VPS50: variants seen among roughly 807,000 people sequenced by gnomAD.
VPS50 encodes the protein syndetin.
A neutral mutation model predicts 139.7 loss-of-function variants in VPS50; 70 were observed. That is an observed-to-expected ratio of 0.50 (90% CI 0.41 to 0.61). The LOEUF is 0.61. Ranked by LOEUF, VPS50 falls within the 20% of genes least tolerant of loss-of-function variation. The pLI is 0.00. For missense variants in VPS50, 921 were observed against 1,133.7 expected (o/e 0.81, Z 2.69); for synonymous variants, 365 against 376.7 (o/e 0.97, Z 0.36).
chr7:93,275,476 C>G (rs1204395323), intron 11 of VPS50, among the ~76,000 whole-genome samples: 2 of 152,028 alleles, frequency 1.3e-5, no homozygotes, highest in African/African-American at 4.8e-5. Context: ...GACCCTCGAC[C>G]AGAAAAAAGA....
At chr7:93,353,834 A>G (rs1292738738) in intron 26 of VPS50, 73 bp downstream of exon 26, 4 of 1,166,404 alleles carry the variant, frequency 3.4e-6, no homozygotes, top group East Asian at 2.4e-5. Flanking sequence ...TACGGTATTA[A>G]TGGTTGGAGA....
At chr7:93,304,026 G>C (rs914530767) in intron 17 of VPS50, among the ~76,000 whole-genome samples, 5 of 151,908 alleles carry the variant, frequency 3.3e-5, no homozygotes, top group Middle Eastern at 3.4e-3. Context: ...AGAAATAAAA[G>C]AGGCACTTAT....
chr7:93,253,963 CA>C (rs1795413750), intron 4 of VPS50, 32 bp downstream of exon 4: 2 of 1,271,854 alleles, frequency 1.6e-6, no homozygotes, highest in Non-Finnish European at 2.3e-6. Flanking sequence ...TTCTTTCTGG[CA>C]AAACTCTAGA....
Position 93,291,688 on chromosome 7 carries a change from T to C in VPS50, c.943-15T>C. ...ACATAATAATTTGAAAGTTGTCTCT[T>C]ATCATTTTCTTTAGCATGTTACACC... On this transcript the variant is annotated splice_polypyrimidine_tract_variant and intron_variant, in intron 12 of 27. Coordinates refer to ENST00000305866, the MANE Select transcript of VPS50 (RefSeq NM_017667.4). 7.0e-7 allele frequency: 1 copy of C among 1,436,630 alleles called. No individual in the cohort carries two copies. Among genetic ancestry groups the C allele is most frequent in the Non-Finnish European group, 9.3e-7 (1 of 1,069,658 alleles). The allele number at this position is 1,436,630 out of a possible 1,614,324, so 89.0% of individuals were successfully genotyped here.
At position 93,260,110 on chromosome 7, in the gene VPS50, T is replaced by C. The variant is rs138471303; in HGVS notation, c.659+478T>C. On this transcript the variant is annotated intron_variant, in intron 9 of 27. Coordinates refer to ENST00000305866, the MANE Select transcript of VPS50 (RefSeq NM_017667.4). ...ATTTATATAATAATAATGTTTGTAATAGTTAAGTGATTATGTATTCAATGT... is the reference window on the plus strand; with the variant it reads ...ATTTATATAATAATAATGTTTGTAACAGTTAAGTGATTATGTATTCAATGT... 5.9e-5 allele frequency among the ~76,000 whole-genome samples: 9 copies of C among 152,344 alleles called. No individual in the cohort carries two copies. In the East Asian group the frequency reaches 1.7e-3, roughly 29 times the overall value.
At chr7:93,329,408 G>T (rs1797871596) in intron 21 of VPS50, among the ~76,000 whole-genome samples, 1 of 151,814 alleles carries the variant, frequency 6.6e-6, no homozygotes, top group Admixed American at 6.6e-5. Context: ...ACAAAGTGAA[G>T]AGCGTAAAAA....
intron 12 of VPS50, among the ~76,000 whole-genome samples, chr7:93,277,282 TA>T (rs1796186173): frequency 6.6e-6 from 1 of 152,148 alleles, no homozygotes; most frequent in Admixed American, 6.5e-5. Flanking sequence ...CTGAATATGG[TA>T]ATATTAAAGG....
At chr7:93,298,314 CCTTT>C (rs1211302528) in intron 16 of VPS50, among the ~76,000 whole-genome samples, 1 of 152,170 alleles carries the variant, frequency 6.6e-6, no homozygotes. Flanking sequence ...CCTAACACTG[CCTTT>C]ATTTATAAGT....
chr7:93,237,435 T>G (rs1300454337), intron 1 of VPS50, among the ~76,000 whole-genome samples: 3 of 152,180 alleles, frequency 2.0e-5, no homozygotes, highest in Non-Finnish European at 4.4e-5. Flanking sequence ...GGTTTTCAAT[T>G]TGTATTACTT....
At chr7:93,238,447 T>C (rs1168426616) in intron 1 of VPS50, among the ~76,000 whole-genome samples, 3 of 152,184 alleles carry the variant, frequency 2.0e-5, no homozygotes. Context: ...GTTTACTCTG[T>C]TTCTGGAACT....
At chr7:93,319,011 C>T (rs968933733) in intron 20 of VPS50, among the ~76,000 whole-genome samples, 5 of 152,108 alleles carry the variant, frequency 3.3e-5, no homozygotes, top group Admixed American at 3.3e-4. Context: ...AGGTACGGCC[C>T]ATTCCCCTGA....
chr7:93,342,024 G>A (rs561946102), intron 23 of VPS50, among the ~76,000 whole-genome samples: 6 of 152,144 alleles, frequency 3.9e-5, no homozygotes, highest in Non-Finnish European at 7.3e-5. Flanking sequence ...CAGCGTGAAC[G>A]ACACAGAAGA....
intron 9 of VPS50, among the ~76,000 whole-genome samples, chr7:93,261,796 G>A (rs189923200): frequency 6.6e-6 from 1 of 152,266 alleles, no homozygotes; most frequent in East Asian, 1.9e-4. Context: ...ACCTGAACGA[G>A]GAGCAGGAAG....
intron 26 of VPS50, among the ~76,000 whole-genome samples, chr7:93,354,137 C>T (rs1416359887): frequency 6.6e-6 from 1 of 152,074 alleles, no homozygotes; most frequent in African/African-American, 2.4e-5. Context: ...GTCACCAAAC[C>T]TGAAATAAAC....
intron 20 of VPS50, among the ~76,000 whole-genome samples, chr7:93,315,122 T>TG (rs986281506): frequency 6.6e-5 from 10 of 152,174 alleles, no homozygotes; most frequent in African/African-American, 2.4e-4. Context: ...TTGTTGTTGT[T>TG]TTGTTTCAAA....
intron 4 of VPS50, 26 bp from the exon 5 acceptor site, chr7:93,256,483 C>A: frequency 3.5e-6 from 4 of 1,151,538 alleles, no homozygotes; most frequent in South Asian, 1.6e-5. Context: ...CTTTTATTTC[C>A]TTTGTTTGAT....
chr7:93,258,688 C>G (rs1795570035), intron 8 of VPS50, among the ~76,000 whole-genome samples: 1 of 152,090 alleles, frequency 6.6e-6, no homozygotes. Flanking sequence ...TCTTTTTCAT[C>G]TAACATATAG....
At chr7:93,330,942 A>C (rs1797922339) in intron 21 of VPS50, among the ~76,000 whole-genome samples, 1 of 152,092 alleles carries the variant, frequency 6.6e-6, no homozygotes, top group Admixed American at 6.6e-5. Context: ...ACATTTAGCA[A>C]ACTCCTAGAA....
chr7:93,323,142 G>T (rs1442247267), intron 20 of VPS50: 2 of 151,828 alleles, frequency 1.3e-5, no homozygotes, highest in Non-Finnish European at 2.9e-5. Flanking sequence ...TTCTACTTTT[G>T]CTATATATGT....
Sources: allele counts gnomAD v4.1 joint callset (sites outside exome capture counted in the v4.1 genomes callset), GRCh38; gene constraint gnomAD v4.1.1; transcripts MANE v1.5; gene names NCBI Gene and HGNC (gene_info 2026-07-23, HGNC 2026-07-21).